The following SLC5A4 variants were observed in gnomAD, a reference collection of about 807,000 sequenced individuals.
The protein encoded by SLC5A4 is solute carrier family 5 member 4, also known as probable glucose sensor protein SLC5A4.
Under a neutral mutation model 70.3 loss-of-function variants are expected in SLC5A4, and 55 were observed. That is an observed-to-expected ratio of 0.78 (90% CI 0.63 to 0.98). SLC5A4 has a LOEUF of 0.98. SLC5A4 is among the 50% of genes least tolerant of loss of function. The probability of loss-of-function intolerance (pLI) is 0.00; values close to 1 mark genes in which losing one functional copy is unlikely to be tolerated. For missense variants in SLC5A4, 735 were observed against 839.2 expected (o/e 0.88, Z 1.53); for synonymous variants, 268 against 305.7 (o/e 0.88, Z 1.29).
the SLC5A4 span, among the ~76,000 whole-genome samples, chr22:32,286,380 T>C: frequency 6.6e-6 from 1 of 152,180 alleles, no homozygotes; most frequent in Non-Finnish European, 1.5e-5. Context: ...TGTTTCCCTT[T>C]CCATGACATT....
rs376783503 is a variant in SLC5A4 at position 32,225,684 on chromosome 22, C to T, written c.1420G>A (p.Ala474Thr). The T allele has an allele frequency of 1.1e-5, 17 of 1,612,198 alleles. No individual in the cohort carries two copies. The East Asian group carries it at 1.8e-4, about 17-fold the overall frequency. ...GPPIAAVFVL[A>T]IFCKRVNEQG... ...TCATTGACTCTTTTACAGAAGATGGCAAGCACAAAGACAGCTGCAATTGGA... is the reference window on the plus strand; with the variant it reads ...TCATTGACTCTTTTACAGAAGATGGTAAGCACAAAGACAGCTGCAATTGGA... Residue 474 changes from alanine (A) to threonine (T), a missense_variant, in exon 12 of 15, where the codon GCC becomes ACC. Physicochemically the swap from Ala to Thr is moderately conservative, Grantham distance 58 (BLOSUM62 0). Coordinates refer to ENST00000266086, the MANE Select transcript of SLC5A4 (RefSeq NM_014227.3).
chr22:32,350,981 G>A, the SLC5A4 span, among the ~76,000 whole-genome samples: 1 of 151,746 alleles, frequency 6.6e-6, no homozygotes, highest in Non-Finnish European at 1.5e-5. Flanking sequence ...GGTTCTTAAA[G>A]GCAAAAGTTA....
the SLC5A4 span, among the ~76,000 whole-genome samples, chr22:32,291,250 C>T: frequency 3.7e-4 from 54 of 145,992 alleles, no homozygotes; most frequent in Non-Finnish European, 6.7e-4. Flanking sequence ...GTTACCCAGG[C>T]TGCCACCCTC....
the SLC5A4 span, among the ~76,000 whole-genome samples, chr22:32,317,698 T>C: frequency 5.9e-5 from 9 of 152,160 alleles, no homozygotes; most frequent in Non-Finnish European, 1.3e-4. Flanking sequence ...TCTCCTGGCC[T>C]CAAGCAATCC....
intron 5 of SLC5A4, among the ~76,000 whole-genome samples, chr22:32,240,445 A>G (rs1926450895): frequency 6.7e-6 from 1 of 149,654 alleles, no homozygotes; most frequent in African/African-American, 2.5e-5. Context: ...GTGTATATAT[A>G]TATATGTGTG....
chr22:32,321,903 T>TGA, the SLC5A4 span, among the ~76,000 whole-genome samples: 1 of 152,244 alleles, frequency 6.6e-6, no homozygotes, highest in Admixed American at 6.5e-5. Context: ...TGCATAGGTC[T>TGA]TGCACATAAA....
chr22:32,322,460 C>A, the SLC5A4 span, among the ~76,000 whole-genome samples: 1 of 152,072 alleles, frequency 6.6e-6, no homozygotes, highest in South Asian at 2.1e-4. Flanking sequence ...TGGTGCACAC[C>A]TGTAATCCCA....
At chr22:32,270,563 A>G in the SLC5A4 span, 1 of 720,850 alleles carries the variant, frequency 1.4e-6, no homozygotes. Context: ...ATATTCCCGC[A>G]GATGGGGCAG....
chr22:32,224,260 C>A lies in SLC5A4; in HGVS notation c.1665+7G>T. 3 of 1,593,150 alleles carry A rather than the reference C, an allele frequency of 1.9e-6. No individual in the cohort carries two copies. The highest frequency in any genetic ancestry group is 1.7e-6 in the Non-Finnish European group (2 of 1,161,114). ...AAATTAGCATGTATTCATTACTCAT[C>A]ACTCACATGTACATCAGGAATGGGT... On this transcript the variant is annotated splice_region_variant and intron_variant, in intron 13 of 14. Transcript: ENST00000266086.
the SLC5A4 span, among the ~76,000 whole-genome samples, chr22:32,285,451 C>T: frequency 2.6e-5 from 4 of 152,256 alleles, no homozygotes; most frequent in Admixed American, 2.0e-4. Flanking sequence ...TGCATGTTCT[C>T]TGTATCTTAA....
the SLC5A4 span, among the ~76,000 whole-genome samples, chr22:32,307,419 C>T: frequency 2.0e-5 from 3 of 152,024 alleles, no homozygotes; most frequent in Non-Finnish European, 2.9e-5. Flanking sequence ...TGAGTGTGTC[C>T]GTTAGGCACA....
chr22:32,239,562 A>C (rs1453014005), intron 5 of SLC5A4, among the ~76,000 whole-genome samples: 3 of 20,502 alleles, frequency 1.5e-4, no homozygotes, highest in African/African-American at 7.3e-4. Flanking sequence ...ATATATATAT[A>C]TATATATTTA....
the SLC5A4 span, among the ~76,000 whole-genome samples, chr22:32,321,579 T>G: frequency 6.6e-6 from 1 of 152,232 alleles, no homozygotes; most frequent in Non-Finnish European, 1.5e-5. Context: ...TGAAACCTAG[T>G]ACCCATTAGT....
intron 6 of SLC5A4, among the ~76,000 whole-genome samples, chr22:32,238,531 G>A (rs555382533): frequency 3.9e-5 from 6 of 152,202 alleles, no homozygotes; most frequent in Non-Finnish European, 5.9e-5. Context: ...GTCACAGATC[G>A]TCTCCCGCCA....
chr22:32,298,746 G>T, the SLC5A4 span, among the ~76,000 whole-genome samples: 1 of 96,932 alleles, frequency 1.0e-5, no homozygotes, highest in African/African-American at 4.0e-5. Flanking sequence ...TTTCTTCCTA[G>T]TCTCGATGGT....
chr22:32,242,595 G>A (rs1926599953), intron 5 of SLC5A4, among the ~76,000 whole-genome samples: 1 of 152,144 alleles, frequency 6.6e-6, no homozygotes, highest in African/African-American at 2.4e-5. Flanking sequence ...TGTAGTCCCA[G>A]CTACTTAGGA....
chr22:32,284,909 C>T, the SLC5A4 span: 6 of 152,104 alleles, frequency 3.9e-5, no homozygotes, highest in Non-Finnish European at 5.9e-5. Flanking sequence ...GGGTTTTCTT[C>T]CAGGTTGACT....
chr22:32,240,102 T>G (rs7291681), intron 5 of SLC5A4, among the ~76,000 whole-genome samples: 50,969 of 149,750 alleles, frequency 0.34, 9,100 homozygotes, highest in Middle Eastern at 0.38. Context: ...ATATTCCAAA[T>G]AGATATGTGC....
chr22:32,300,549 G>GC, the SLC5A4 span, among the ~76,000 whole-genome samples: 6 of 150,240 alleles, frequency 4.0e-5, no homozygotes, highest in African/African-American at 1.5e-4. Context: ...ACTGACCTGC[G>GC]CCCACTGTCT....
Sources: allele counts gnomAD v4.1 joint callset (sites outside exome capture counted in the v4.1 genomes callset), GRCh38; gene constraint gnomAD v4.1.1; transcripts MANE v1.5; gene names NCBI Gene and HGNC (gene_info 2026-07-23, HGNC 2026-07-21).